Variants in DAND5 observed in about 807,000 individuals in gnomAD.
The protein encoded by DAND5 is DAN domain BMP antagonist family member 5, also known as DAN domain family member 5.
DAND5 carries 8 observed loss-of-function variants against 9.2 expected under a neutral mutation model. The observed-to-expected ratio is 0.87, with a 90% CI of 0.51 to 1.56. DAND5 has a LOEUF of 1.56. Among genes scored for constraint, DAND5 ranks in the 40% most tolerant of loss-of-function variants. The pLI is 0.00. For synonymous variants in DAND5, 95 were observed against 101.1 expected, an observed-to-expected ratio of 0.94 and a Z score of 0.36; for missense variants, 244 against 244.7, an observed-to-expected ratio of 1.00 and a Z score of 0.02.
At chr19:12,970,582 TTCTTTCTTTCTTTTTC>T (rs1189372214) in intron 1 of DAND5, 6 of 491,820 alleles carry the variant, frequency 1.2e-5, no homozygotes, top group African/African-American at 2.0e-5. Flanking sequence ...TTTCTTTTCT[TTCTTTCTTTCTTTTTC>T]TCTTTCTTTC....
At position 12,969,756 on chromosome 19, in the gene DAND5, G is replaced by C; in HGVS notation, c.96G>C (p.Gln32His). The C allele has an allele frequency of 1.3e-6, 2 of 1,589,688 alleles. No homozygotes were observed. Among genetic ancestry groups the C allele is most frequent in the Non-Finnish European group, 1.7e-6 (2 of 1,169,204 alleles). Residue 32 changes from glutamine (Q) to histidine (H), a missense_variant, in exon 1 of 2, where the codon CAG becomes CAC. Transcript: ENST00000317060. ...GRPEPQSPRP[Q>H]SWAAANQTWA... ...CTGAACCCCAGTCTCCTCGACCTCA[G>C]TCCTGGGCTGCAGCCAATCAGACCT...
rs1383545674 is a variant in DAND5 at position 12,974,602 on chromosome 19, G to C, written c.*968G>C. 6.6e-6 allele frequency: 1 copy of C among 152,330 alleles called. No homozygotes were observed. The highest frequency in any genetic ancestry group is 1.9e-4 in the East Asian group (1 of 5,188). The allele number at this position is 152,330 out of a possible 1,614,324, so 9.4% of individuals were successfully genotyped here. A position where few individuals can be genotyped will look rare whatever the true frequency, so the allele number is the denominator to read the frequency against. On this transcript the variant is annotated 3_prime_UTR_variant, in exon 2 of 2. Transcript: ENST00000317060. ...AGACAGCTGCTGGGGGAAATCCTGG[G>C]GTCCTTGAGACAGAGGCAGGACCCT... is the stretch of plus-strand genomic sequence containing the variant.
In DAND5 at chr19:12,969,779, C is replaced by T. The variant is rs368182043; in HGVS notation, c.119C>T (p.Thr40Ile). 3 of 1,591,720 alleles carry T rather than the reference C, an allele frequency of 1.9e-6. No individual in the cohort carries two copies. Among genetic ancestry groups the T allele is most frequent in the African/African-American group, 1.3e-5 (1 of 74,370 alleles). Residue 40 changes from threonine to isoleucine, a missense_variant, in exon 1 of 2, where the codon ACC (threonine) becomes ATC (isoleucine). Coordinates refer to ENST00000317060, the MANE Select transcript of DAND5 (RefSeq NM_152654.3). ...CAGTCCTGGGCTGCAGCCAATCAGA[C>T]CTGGGCTCTGGGCCCAGGGGCCCTG... ...RPQSWAAANQ[T>I]WALGPGALPP... is the part of the protein sequence containing the mutation.
At chr19:12,972,864 T>TC (rs991938009) in intron 1 of DAND5, among the ~76,000 whole-genome samples, 4 of 143,238 alleles carry the variant, frequency 2.8e-5, no homozygotes, top group East Asian at 4.1e-4. Context: ...TTCTTTTCTT[T>TC]TTTTTTTTTT....
intron 1 of DAND5, chr19:12,970,658 T>C (rs1778837605): frequency 2.1e-6 from 1 of 466,768 alleles, no homozygotes; most frequent in Non-Finnish European, 3.8e-6. Context: ...TCTTTCTTTC[T>C]TTCCTTTCTT....
intron 1 of DAND5, among the ~76,000 whole-genome samples, chr19:12,973,025 G>A (rs1189917804): frequency 2.0e-5 from 3 of 150,910 alleles, no homozygotes; most frequent in Non-Finnish European, 3.0e-5. Context: ...ACCACGCCCG[G>A]CTCATTTTTT....
rs10419741 is a variant in DAND5 at position 12,973,963 on chromosome 19, T to C, written c.*329T>C. 4,844 of 247,744 alleles carry C rather than the reference T, an allele frequency of 0.02. 251 individuals are homozygous for C. The highest frequency in any genetic ancestry group is 0.1 in the African/African-American group (4,590 of 44,178). The allele number at this position is 247,744 out of a possible 1,614,324, so 15.3% of individuals were successfully genotyped here. On this transcript the variant is annotated 3_prime_UTR_variant, in exon 2 of 2. Transcript: ENST00000317060. ...CTGCAAGCTCCACCTCCCGGGTTTATGCCATTCTCCTGTCTCAGCCTCCCG... is the reference window on the plus strand; with the variant it reads ...CTGCAAGCTCCACCTCCCGGGTTTACGCCATTCTCCTGTCTCAGCCTCCCG...
intron 1 of DAND5, 104 bp downstream of exon 1, chr19:12,970,088 C>T (rs1486881218): frequency 4.4e-6 from 6 of 1,356,892 alleles, no homozygotes; most frequent in African/African-American, 1.5e-5. Context: ...TATCCTCCAC[C>T]TGAATGTCTC....
At chr19:12,972,070 T>TC (rs944330359) in intron 1 of DAND5, among the ~76,000 whole-genome samples, 5 of 150,698 alleles carry the variant, frequency 3.3e-5, no homozygotes, top group African/African-American at 1.2e-4. Flanking sequence ...TTTTTTTTTT[T>TC]TTTTTTGAGA....
In DAND5 at chr19:12,969,807, C is replaced by T. The variant is rs200778930; in HGVS notation, c.147C>T (p.Pro49=). 2 of 1,603,478 alleles carry T rather than the reference C, an allele frequency of 1.2e-6. No individual in the cohort carries two copies. Among genetic ancestry groups the T allele is most frequent in the African/African-American group, 1.3e-5 (1 of 74,904 alleles). ...GGGCTCTGGGCCCAGGGGCCCTGCC[C>T]CCACTGGTGCCAGCTTCTGCCCTTG... is the stretch of plus-strand genomic sequence containing the variant. The part of the protein sequence containing the change: ...QTWALGPGAL[P]PLVPASALGS... The change falls in exon 1 of 2, where the codon CCC becomes CCT. Residue 49 remains proline (P), a synonymous_variant. Coordinates refer to ENST00000317060, the MANE Select transcript of DAND5 (RefSeq NM_152654.3).
At chr19:12,972,078 A>C (rs1366957193) in intron 1 of DAND5, among the ~76,000 whole-genome samples, 1 of 127,330 alleles carries the variant, frequency 7.9e-6, no homozygotes, top group East Asian at 2.2e-4. Flanking sequence ...TTTTTTTTTG[A>C]GACGGAGTCT....
Position 12,969,925 on chromosome 19 carries a change from C to T in DAND5, c.265C>T (p.Leu89=), listed in dbSNP as rs1440331408. The change falls in exon 1 of 2, where the codon CTG becomes TTG. Residue 89 remains leucine, a synonymous_variant. Coordinates refer to ENST00000317060, the MANE Select transcript of DAND5 (RefSeq NM_152654.3). The part of the protein sequence containing the change: ...RGQDEVAAVT[L]PLNPQEVIQG... ...GCAAGACGAGGTGGCTGCTGTGACT[C>T]TGCCGCTGAACCCTCAGGAAGTGAT... 7 of 1,614,192 alleles carry T rather than the reference C, an allele frequency of 4.3e-6. No homozygotes were observed. The highest frequency in any genetic ancestry group is 5.9e-6 in the Non-Finnish European group (7 of 1,180,036).
rs199774491 is a variant in DAND5, at chr19:12,973,575, C to T, written c.511C>T (p.Arg171Ter). ...TCTCACTGGCAGCTCAGCCTCCCGT[C>T]GACGGGTGAAGATATCCACCATGCT... ...WCLTGSSASR[R>*]RVKISTMLIE... Residue 171 changes from arginine (R) to a stop codon, truncating the protein, a stop_gained, in exon 2 of 2, where the codon CGA (arginine) becomes TGA (stop). Transcript: ENST00000317060. LOFTEE classifies it low-confidence loss of function (END_TRUNC). The T allele has an allele frequency of 1.1e-4, 175 of 1,613,988 alleles. No individual in the cohort carries two copies. Among genetic ancestry groups the T allele is most frequent in the Non-Finnish European group, 1.2e-4 (145 of 1,180,028 alleles).
rs368516761 is a variant in DAND5, at chr19:12,972,926, T to G, written c.325-463T>G. Among the ~76,000 whole-genome samples, 304 of 146,270 alleles carry G rather than the reference T, an allele frequency of 2.1e-3. 1 individual carries two copies. Among genetic ancestry groups the G allele is most frequent in the Admixed American group, 6.5e-3 (91 of 14,016 alleles). On this transcript the variant is annotated intron_variant, in intron 1 of 1. Transcript: ENST00000317060. ...TCCCCAGGCTGGAGTGCAGTGGCGC[T>G]ATCTCGGCTCACTACAAGCTCCGCC...
chr19:12,970,981 A>G (rs951159647), intron 1 of DAND5, among the ~76,000 whole-genome samples: 1 of 152,014 alleles, frequency 6.6e-6, no homozygotes, highest in Admixed American at 6.6e-5. Flanking sequence ...CGCCAGGCCA[A>G]TGAGAAGTCT....
intron 1 of DAND5, among the ~76,000 whole-genome samples, chr19:12,973,051 A>C (rs1414396049): frequency 6.0e-5 from 9 of 149,570 alleles, no homozygotes; most frequent in Admixed American, 5.3e-4. Flanking sequence ...TTTAGTAGAG[A>C]CGGGGTTTCA....
At position 12,969,930 on chromosome 19, in the gene DAND5, G is replaced by A. The variant is rs142500515; in HGVS notation, c.270G>A (p.Pro90=). The part of the protein sequence containing the change: ...GQDEVAAVTL[P]LNPQEVIQGM... ...ACGAGGTGGCTGCTGTGACTCTGCC[G>A]CTGAACCCTCAGGAAGTGATCCAGG... Residue 90 remains proline (P), a synonymous_variant, in exon 1 of 2, where the codon CCG becomes CCA. Coordinates refer to ENST00000317060, the MANE Select transcript of DAND5 (RefSeq NM_152654.3). 4 of 1,614,008 alleles carry A rather than the reference G, an allele frequency of 2.5e-6. No homozygotes were observed. Among genetic ancestry groups the A allele is most frequent in the African/African-American group, 2.7e-5 (2 of 74,920 alleles).
intron 1 of DAND5, chr19:12,970,305 G>C (rs985634530): frequency 1.6e-6 from 1 of 610,178 alleles, no homozygotes; most frequent in Non-Finnish European, 3.0e-6. Flanking sequence ...AAAAGCCCAA[G>C]TCCTCTTCAC....
intron 1 of DAND5, 88 bp from the exon 2 acceptor site, chr19:12,973,301 A>G: frequency 4.6e-6 from 7 of 1,537,820 alleles, no homozygotes; most frequent in Non-Finnish European, 6.1e-6. Flanking sequence ...ATGCCTGTCA[A>G]GGTGGGGTGG....
Sources: gnomAD v4.1 joint callset for allele counts (sites outside exome capture counted in the v4.1 genomes callset) on GRCh38, gnomAD v4.1.1 for gene constraint, MANE v1.5 for transcripts, NCBI Gene and HGNC (gene_info 2026-07-23, HGNC 2026-07-21) for gene names.